The following CDH18 variants were observed in gnomAD, a reference collection of about 807,000 sequenced individuals.
CDH18 encodes the protein cadherin-18.
CDH18 carries 31 observed loss-of-function variants against 67.9 expected under a neutral mutation model. The observed-to-expected ratio is 0.46, with a 90% CI of 0.34 to 0.62. CDH18 has a LOEUF of 0.62. Ranked by LOEUF, CDH18 falls within the 20% of genes least tolerant of loss-of-function variation. The probability of loss-of-function intolerance (pLI) is 0.01; values close to 1 mark genes in which losing one functional copy is unlikely to be tolerated. For missense variants in CDH18, 890 were observed against 975.5 expected (o/e 0.91, Z 1.17); for synonymous variants, 362 against 347.2 (o/e 1.04, Z -0.48).
intron 9 of CDH18, among the ~76,000 whole-genome samples, chr5:19,541,437 T>C (rs1450797083): frequency 6.6e-6 from 1 of 152,134 alleles, no homozygotes; most frequent in East Asian, 1.9e-4. Flanking sequence ...TTTTTAAGTA[T>C]CTTTACAGCA....
intron 3 of CDH18, among the ~76,000 whole-genome samples, chr5:19,797,955 T>G (rs1014532787): frequency 6.6e-6 from 1 of 151,996 alleles, no homozygotes; most frequent in Non-Finnish European, 1.5e-5. Context: ...CAAGACAGTG[T>G]GGTGTTGCAG....
chr5:19,624,205 C>T (rs1468818709), intron 5 of CDH18, among the ~76,000 whole-genome samples: 1 of 151,766 alleles, frequency 6.6e-6, no homozygotes, highest in African/African-American at 2.4e-5. Context: ...CTGGGCTTTG[C>T]CATGTTGGCC....
intron 5 of CDH18, among the ~76,000 whole-genome samples, chr5:19,619,002 T>C (rs986632114): frequency 2.0e-5 from 3 of 152,124 alleles, no homozygotes; most frequent in African/African-American, 7.2e-5. Context: ...ATCTACACAA[T>C]TTATATTTAA....
In CDH18 at chr5:19,986,849, T is replaced by C. The variant is rs866293467; in HGVS notation, c.-376+1237A>G. Among the ~76,000 whole-genome samples the C allele has an allele frequency of 7.2e-5, 11 of 152,202 alleles. No homozygotes were observed. In the Middle Eastern group the frequency reaches 0.01, roughly 141 times the overall value. On this transcript the variant is annotated intron_variant, in intron 1 of 12. Transcript: ENST00000382275. Reference sequence around the variant, plus strand: ...TAAGCATTTTCTCTGGTAAGACAAATACACTAAAATAAAAAAGAACAATTA... The same window carrying C: ...TAAGCATTTTCTCTGGTAAGACAAACACACTAAAATAAAAAAGAACAATTA...
intron 2 of CDH18, among the ~76,000 whole-genome samples, chr5:20,213,879 AT>A (rs1740549772): frequency 6.6e-6 from 1 of 151,862 alleles, no homozygotes. Flanking sequence ...TCTCAGTCTC[AT>A]TTAGTTTAGT....
At chr5:20,506,870 T>C (rs1754693359) in intron 1 of CDH18, among the ~76,000 whole-genome samples, 1 of 152,232 alleles carries the variant, frequency 6.6e-6, no homozygotes, top group Non-Finnish European at 1.5e-5. Flanking sequence ...TTTGCTTCCT[T>C]GAATGTGCTT....
intron 2 of CDH18, among the ~76,000 whole-genome samples, chr5:19,881,765 C>A (rs1787675259): frequency 6.6e-6 from 1 of 152,088 alleles, no homozygotes; most frequent in African/African-American, 2.4e-5. Flanking sequence ...CTCGACCTCC[C>A]AAAGTGCTGG....
intron 2 of CDH18, among the ~76,000 whole-genome samples, chr5:20,136,398 C>A (rs1002819616): frequency 1.3e-5 from 2 of 152,124 alleles, no homozygotes; most frequent in African/African-American, 4.8e-5. Flanking sequence ...TTATCAGAGA[C>A]TAGGAATGCA....
At chr5:20,385,078 C>A (rs1744207761) in intron 1 of CDH18, among the ~76,000 whole-genome samples, 1 of 152,122 alleles carries the variant, frequency 6.6e-6, no homozygotes, top group Non-Finnish European at 1.5e-5. Context: ...CTCAAGTAAT[C>A]TGCCCACTTT....
chr5:19,704,874 T>C (rs547292777), intron 5 of CDH18, among the ~76,000 whole-genome samples: 1 of 152,338 alleles, frequency 6.6e-6, no homozygotes, highest in East Asian at 1.9e-4. Flanking sequence ...TATAGGGGCA[T>C]TACAGCCAGG....
At chr5:19,640,717 A>G (rs1056354375) in intron 5 of CDH18, among the ~76,000 whole-genome samples, 36 of 152,208 alleles carry the variant, frequency 2.4e-4, no homozygotes, top group African/African-American at 7.7e-4. Flanking sequence ...AGTTTAAAGC[A>G]GTTAAAGCCC....
chr5:20,177,337 G>A (rs112108883), intron 2 of CDH18, among the ~76,000 whole-genome samples: 51 of 152,252 alleles, frequency 3.3e-4, no homozygotes, highest in African/African-American at 1.2e-3. Flanking sequence ...ATGGCATCCA[G>A]TAAGAGACTG....
intron 2 of CDH18, among the ~76,000 whole-genome samples, chr5:20,172,230 A>ATACG (rs1554098794): frequency 5.2e-5 from 5 of 96,674 alleles, no homozygotes; most frequent in African/African-American, 1.2e-4. Flanking sequence ...ATATGTATAT[A>ATACG]TATATATATG....
At chr5:19,569,868 G>A (rs900911611) in intron 8 of CDH18, among the ~76,000 whole-genome samples, 5 of 151,934 alleles carry the variant, frequency 3.3e-5, no homozygotes, top group African/African-American at 7.3e-5. Flanking sequence ...AAATTATCAC[G>A]TGTATCCCAC....
At chr5:20,514,035 G>A (rs889622521) in intron 1 of CDH18, among the ~76,000 whole-genome samples, 4 of 152,056 alleles carry the variant, frequency 2.6e-5, no homozygotes, top group Admixed American at 6.6e-5. Flanking sequence ...TTTCGCAAAT[G>A]TTATTATAAA....
chr5:19,868,165 T>C (rs1474572405), intron 2 of CDH18, among the ~76,000 whole-genome samples: 1 of 152,194 alleles, frequency 6.6e-6, no homozygotes, highest in Non-Finnish European at 1.5e-5. Flanking sequence ...TATAAATTAC[T>C]ACATTTCAAG....
At chr5:20,505,013 C>T (rs1349083095) in intron 1 of CDH18, among the ~76,000 whole-genome samples, 3 of 151,862 alleles carry the variant, frequency 2.0e-5, no homozygotes, top group Admixed American at 6.6e-5. Context: ...GTGATCCAGC[C>T]GCTTCGGCCT....
intron 3 of CDH18, among the ~76,000 whole-genome samples, chr5:19,796,881 T>C (rs1776913749): frequency 6.6e-6 from 1 of 151,928 alleles, no homozygotes; most frequent in South Asian, 2.1e-4. Flanking sequence ...GCAACCACAG[T>C]GAGAAATATA....
chr5:19,610,378 C>A (rs554029476), intron 6 of CDH18, among the ~76,000 whole-genome samples: 1 of 152,140 alleles, frequency 6.6e-6, no homozygotes, highest in African/African-American at 2.4e-5. Flanking sequence ...TATTATATAT[C>A]TATATTCATC....
Sources: gnomAD v4.1 joint callset for allele counts (sites outside exome capture counted in the v4.1 genomes callset) on GRCh38, gnomAD v4.1.1 for gene constraint, MANE v1.5 for transcripts, NCBI Gene and HGNC (gene_info 2026-07-23, HGNC 2026-07-21) for gene names.